The following RBFOX1 variants were observed in gnomAD, a reference collection of about 807,000 sequenced individuals.
The protein encoded by RBFOX1 is RNA binding fox-1 homolog 1.
RBFOX1 carries 8 observed loss-of-function variants against 57.7 expected under a neutral mutation model. That is an observed-to-expected ratio of 0.14 (90% CI 0.08 to 0.25). The LOEUF is 0.25. Among genes scored for constraint, RBFOX1 ranks in the 10% least tolerant of loss-of-function variants. RBFOX1 has a pLI of 1.00. For synonymous variants in RBFOX1, 326 were observed against 222.4 expected (o/e 1.47, Z -4.15); for missense variants, 611 against 548.5 (o/e 1.11, Z -1.14).
intron 2 of RBFOX1, among the ~76,000 whole-genome samples, chr16:6,345,905 G>A (rs367976014): frequency 6.6e-6 from 1 of 152,166 alleles, no homozygotes; most frequent in Non-Finnish European, 1.5e-5. Flanking sequence ...TAAGAAATAC[G>A]TTGGTTTGGT....
intron 3 of RBFOX1, among the ~76,000 whole-genome samples, chr16:7,013,494 A>G (rs2093752216): frequency 6.6e-6 from 1 of 152,146 alleles, no homozygotes; most frequent in Non-Finnish European, 1.5e-5. Context: ...GCCTCTAAAT[A>G]TCCTGCATTA....
intron 3 of RBFOX1, among the ~76,000 whole-genome samples, chr16:6,672,083 G>T (rs558769910): frequency 5.9e-5 from 9 of 152,242 alleles, no homozygotes; most frequent in African/African-American, 1.7e-4. Context: ...AATCACATTC[G>T]GTTTCAAAGA....
chr16:6,370,425 C>A (rs1387137290), intron 2 of RBFOX1, among the ~76,000 whole-genome samples: 2 of 147,312 alleles, frequency 1.4e-5, no homozygotes, highest in Admixed American at 6.8e-5. Flanking sequence ...GCCGAATCAC[C>A]TGAAGAGAGC....
chr16:7,394,692 C>T (rs922743839), intron 4 of RBFOX1, among the ~76,000 whole-genome samples: 9 of 152,170 alleles, frequency 5.9e-5, no homozygotes, highest in South Asian at 2.1e-4. Flanking sequence ...GAGACCACGC[C>T]AGGGTTTCAT....
chr16:7,496,402 C>T (rs565701961), intron 4 of RBFOX1, among the ~76,000 whole-genome samples: 30 of 152,312 alleles, frequency 2.0e-4, no homozygotes, highest in African/African-American at 7.0e-4. Context: ...CTTGGCCTCC[C>T]AAAGTGTTGG....
chr16:6,100,140 G>GT (rs930364461), intron 1 of RBFOX1, among the ~76,000 whole-genome samples: 39 of 151,342 alleles, frequency 2.6e-4, no homozygotes, highest in African/African-American at 6.8e-4. Context: ...TTGCATTATT[G>GT]TTTTTTTTGT....
Position 7,070,129 on chromosome 16 carries a change from G to A in RBFOX1, c.27+18031G>A, listed in dbSNP as rs553036942. Among the ~76,000 whole-genome samples the A allele has an allele frequency of 4.6e-5, 7 of 152,270 alleles. No homozygotes were observed. In the South Asian group the frequency reaches 6.2e-4, roughly 14 times the overall value. ...TTGAATAGGTTTGCAAGCAACTGCCGCTGTGCTCATGGTGCATTTCCCAAA... is the reference window on the plus strand; with the variant it reads ...TTGAATAGGTTTGCAAGCAACTGCCACTGTGCTCATGGTGCATTTCCCAAA... On this transcript the variant is annotated intron_variant, in intron 4 of 15. Coordinates refer to ENST00000550418, the MANE Select transcript of RBFOX1 (RefSeq NM_018723.4).
intron 4 of RBFOX1, among the ~76,000 whole-genome samples, chr16:7,487,147 G>A (rs370495708): frequency 2.6e-5 from 4 of 152,004 alleles, no homozygotes; most frequent in Non-Finnish European, 4.4e-5. Flanking sequence ...TGATTTACCC[G>A]CCTCGGCCTC....
intron 2 of RBFOX1, among the ~76,000 whole-genome samples, chr16:6,330,297 A>G (rs2082860159): frequency 6.6e-6 from 1 of 152,198 alleles, no homozygotes; most frequent in Non-Finnish European, 1.5e-5. Flanking sequence ...TCCTTTCCTA[A>G]GGCTGACTCT....
intron 3 of RBFOX1, among the ~76,000 whole-genome samples, chr16:6,741,987 A>T (rs919273378): frequency 2.0e-5 from 3 of 152,294 alleles, no homozygotes; most frequent in African/African-American, 7.2e-5. Context: ...GTAGATTTCA[A>T]ATGTTTTCAC....
intron 4 of RBFOX1, among the ~76,000 whole-genome samples, chr16:7,481,621 A>G (rs967691770): frequency 3.9e-5 from 6 of 152,216 alleles, no homozygotes; most frequent in African/African-American, 1.2e-4. Context: ...GCAAATAACA[A>G]TATCTTCTAT....
chr16:5,388,279 C>A (rs2066308966), intron 1 of RBFOX1, among the ~76,000 whole-genome samples: 1 of 152,160 alleles, frequency 6.6e-6, no homozygotes, highest in South Asian at 2.1e-4. Context: ...CATAGCACAT[C>A]CCTTGGTTGG....
At chr16:7,460,442 T>A (rs553231467) in intron 4 of RBFOX1, among the ~76,000 whole-genome samples, 1 of 144,088 alleles carries the variant, frequency 6.9e-6, no homozygotes, top group East Asian at 2.0e-4. Flanking sequence ...TGTGTATATA[T>A]GTATGTGTGT....
At chr16:6,188,239 C>T (rs1041438432) in intron 1 of RBFOX1, among the ~76,000 whole-genome samples, 1 of 152,088 alleles carries the variant, frequency 6.6e-6, no homozygotes, top group African/African-American at 2.4e-5. Context: ...TAGTTTACGT[C>T]TACCCACACA....
chr16:6,561,792 C>G (rs892132695), intron 2 of RBFOX1, among the ~76,000 whole-genome samples: 1 of 152,122 alleles, frequency 6.6e-6, no homozygotes, highest in African/African-American at 2.4e-5. Context: ...GGACAGATTT[C>G]TGAACATGTG....
intron 1 of RBFOX1, among the ~76,000 whole-genome samples, chr16:6,195,685 C>T (rs2097175366): frequency 6.6e-6 from 1 of 151,444 alleles, no homozygotes; most frequent in Non-Finnish European, 1.5e-5. Flanking sequence ...CACCATTGCA[C>T]TCCAGCCTGG....
intron 3 of RBFOX1, among the ~76,000 whole-genome samples, chr16:5,608,545 G>C (rs986155318): frequency 6.6e-6 from 1 of 152,242 alleles, no homozygotes; most frequent in Non-Finnish European, 1.5e-5. Context: ...CTGTAACACA[G>C]AGTTGATAAA....
intron 1 of RBFOX1, among the ~76,000 whole-genome samples, chr16:5,371,876 A>G (rs1467346406): frequency 2.6e-5 from 4 of 152,192 alleles, no homozygotes; most frequent in Non-Finnish European, 5.9e-5. Flanking sequence ...GACCTCTGCA[A>G]TGCCCTCCCG....
chr16:6,087,893 C>T (rs1350194281), intron 1 of RBFOX1, among the ~76,000 whole-genome samples: 4 of 152,170 alleles, frequency 2.6e-5, no homozygotes, highest in Non-Finnish European at 5.9e-5. Flanking sequence ...CCTTGTGATC[C>T]ACCTGCCTCG....
Sources: gnomAD v4.1 joint callset for allele counts (sites outside exome capture counted in the v4.1 genomes callset) on GRCh38, gnomAD v4.1.1 for gene constraint, MANE v1.5 for transcripts, NCBI Gene and HGNC (gene_info 2026-07-23, HGNC 2026-07-21) for gene names.